The following PDE4D variants were observed in gnomAD, a reference collection of about 807,000 sequenced individuals.
The protein encoded by PDE4D is 3',5'-cyclic-AMP phosphodiesterase 4D.
In PDE4D, 24 loss-of-function variants were observed where a neutral mutation model predicts 87.4. The ratio of observed to expected loss-of-function variants is 0.27; its 90% confidence interval spans 0.20 to 0.39. The LOEUF (loss-of-function observed/expected upper bound fraction) is 0.39, where lower values mean the gene tolerates loss of function less well. Among genes scored for constraint, PDE4D ranks in the 10% least tolerant of loss-of-function variants. The pLI, the probability that PDE4D is intolerant of heterozygous loss-of-function variation, is 1.00. For synonymous variants in PDE4D, 384 were observed against 383.2 expected, an observed-to-expected ratio of 1.00 and a Z score of -0.02; for missense variants, 714 against 1,041.0, an observed-to-expected ratio of 0.69 and a Z score of 4.32.
At chr5:60,213,805 A>G (rs1176452696) in intron 1 of PDE4D, among the ~76,000 whole-genome samples, 1 of 151,964 alleles carries the variant, frequency 6.6e-6, no homozygotes. Context: ...CTGGCCCTCA[A>G]TTGCCCTGTA....
chr5:59,789,862 T>C (rs1401844892), intron 1 of PDE4D, among the ~76,000 whole-genome samples: 1 of 152,216 alleles, frequency 6.6e-6, no homozygotes, highest in African/African-American at 2.4e-5. Context: ...GTTGCTCTGA[T>C]TTTAGAGTAC....
chr5:59,447,154 G>A (rs145273689), intron 1 of PDE4D, among the ~76,000 whole-genome samples: 5 of 152,260 alleles, frequency 3.3e-5, no homozygotes, highest in East Asian at 1.9e-4. Flanking sequence ...GTAGACTTTC[G>A]AGTTCATGAA....
chr5:60,424,660 T>C (rs1224836059), intron 1 of PDE4D, among the ~76,000 whole-genome samples: 1 of 152,028 alleles, frequency 6.6e-6, no homozygotes, highest in Non-Finnish European at 1.5e-5. Flanking sequence ...CCTATGCAAC[T>C]TAGTGTTGGA....
intron 3 of PDE4D, among the ~76,000 whole-genome samples, chr5:59,915,057 G>T (rs1753892760): frequency 6.6e-6 from 1 of 152,130 alleles, no homozygotes; most frequent in Admixed American, 6.6e-5. Context: ...TTTTAAGACA[G>T]ATTAAGTTGG....
At chr5:60,508,993 G>A (rs1250516713) in intron 1 of PDE4D, among the ~76,000 whole-genome samples, 3 of 151,634 alleles carry the variant, frequency 2.0e-5, no homozygotes, top group East Asian at 1.9e-4. Flanking sequence ...TCCGCCTCTC[G>A]GGTTCAAGCT....
intron 2 of PDE4D, among the ~76,000 whole-genome samples, chr5:60,059,107 G>A (rs774559923): frequency 1.4e-5 from 2 of 147,094 alleles, no homozygotes; most frequent in African/African-American, 2.5e-5. Flanking sequence ...TCTCCATTCT[G>A]TATGATACAG....
At chr5:60,068,498 A>G (rs1772351551) in intron 2 of PDE4D, among the ~76,000 whole-genome samples, 1 of 152,050 alleles carries the variant, frequency 6.6e-6, no homozygotes, top group African/African-American at 2.4e-5. Context: ...TATTTTGGAT[A>G]CTAACCCTTT....
chr5:59,838,271 G>A (rs1293371431), intron 1 of PDE4D, among the ~76,000 whole-genome samples: 2 of 152,022 alleles, frequency 1.3e-5, no homozygotes, highest in Admixed American at 1.3e-4. Flanking sequence ...CTACAGTCAT[G>A]CAGAACACAG....
chr5:60,183,527 A>ATCGTTTAAGGATGATCTTTTT (rs1366571334), intron 2 of PDE4D, among the ~76,000 whole-genome samples: 1 of 152,206 alleles, frequency 6.6e-6, no homozygotes, highest in Non-Finnish European at 1.5e-5. Flanking sequence ...AAGTAAGGTG[A>ATCGTTTAAGGATGATCTTTTT]TCGTTTAAGG....
chr5:60,388,406 AT>A (rs35352018), intron 1 of PDE4D, among the ~76,000 whole-genome samples: 23,832 of 151,688 alleles, frequency 0.16, 2,327 homozygotes, highest in African/African-American at 0.28. Flanking sequence ...TAAAAAAAAA[AT>A]GGGATAAATA....
chr5:60,220,191 G>A (rs1244018000), intron 1 of PDE4D, among the ~76,000 whole-genome samples: 5 of 152,116 alleles, frequency 3.3e-5, no homozygotes, highest in African/African-American at 2.4e-5. Flanking sequence ...ACAAGATCAG[G>A]TGCTAGTTGT....
intron 2 of PDE4D, among the ~76,000 whole-genome samples, chr5:60,103,349 C>T (rs1776448067): frequency 6.6e-6 from 1 of 152,106 alleles, no homozygotes; most frequent in Admixed American, 6.5e-5. Context: ...TCACAACCAT[C>T]ACTTAGGCTA....
chr5:60,059,396 T>G (rs1318167110), intron 2 of PDE4D, among the ~76,000 whole-genome samples: 1 of 152,014 alleles, frequency 6.6e-6, no homozygotes, highest in African/African-American at 2.4e-5. Flanking sequence ...TCTGGTCATA[T>G]GTATTTACAA....
intron 1 of PDE4D, among the ~76,000 whole-genome samples, chr5:60,269,937 G>A (rs1267044631): frequency 6.6e-6 from 1 of 152,152 alleles, no homozygotes; most frequent in Non-Finnish European, 1.5e-5. Context: ...GAAGACTAAA[G>A]GCTTGGGAAG....
At chr5:60,492,668 C>T (rs1474790875), upstream of PDE4D, among the ~76,000 whole-genome samples, 1 of 152,216 alleles carries the variant, frequency 6.6e-6, no homozygotes, top group East Asian at 1.9e-4. Context: ...CGCATGTTCT[C>T]ACTCATAGGT....
chr5:60,416,085 G>C (rs1438989109), intron 1 of PDE4D, among the ~76,000 whole-genome samples: 2 of 152,148 alleles, frequency 1.3e-5, no homozygotes, highest in Non-Finnish European at 2.9e-5. Context: ...TCTAGCTCAG[G>C]GTTTGTAAAT....
intron 1 of PDE4D, among the ~76,000 whole-genome samples, chr5:60,279,183 A>G (rs980234210): frequency 2.0e-5 from 3 of 151,958 alleles, no homozygotes; most frequent in African/African-American, 7.2e-5. Context: ...AGGAGTTCCA[A>G]CTCCCAGTTG....
intron 1 of PDE4D, among the ~76,000 whole-genome samples, chr5:60,263,974 A>G (rs1175115368): frequency 6.6e-6 from 1 of 151,964 alleles, no homozygotes; most frequent in African/African-American, 2.4e-5. Flanking sequence ...CAGTGACACT[A>G]CATGTGAAAA....
intron 1 of PDE4D, among the ~76,000 whole-genome samples, chr5:59,599,198 A>G (rs1475587711): frequency 1.3e-5 from 2 of 151,784 alleles, no homozygotes; most frequent in Admixed American, 6.6e-5. Context: ...GAAAATGAGG[A>G]CATGTAGTAG....
Sources: allele counts gnomAD v4.1 joint callset (sites outside exome capture counted in the v4.1 genomes callset), GRCh38; gene constraint gnomAD v4.1.1; transcripts MANE v1.5; gene names NCBI Gene and HGNC (gene_info 2026-07-23, HGNC 2026-07-21).